The following CIB3 variants were observed in gnomAD, a reference collection of about 807,000 sequenced individuals.
CIB3 encodes the protein calcium and integrin binding family member 3, also known as calcium and integrin-binding family member 3.
In CIB3, 22 loss-of-function variants were observed where a neutral mutation model predicts 23.4. The observed-to-expected ratio is 0.94, with a 90% CI of 0.67 to 1.34. The LOEUF (loss-of-function observed/expected upper bound fraction) is 1.34, where lower values mean the gene tolerates loss of function less well. Ranked by LOEUF, CIB3 falls within the 40% of genes most tolerant of loss-of-function variation. CIB3 has a pLI of 0.00. For synonymous variants in CIB3, 93 were observed against 95.8 expected, an observed-to-expected ratio of 0.97 and a Z score of 0.17; for missense variants, 258 against 247.3, an observed-to-expected ratio of 1.04 and a Z score of -0.29.
chr19:16,164,958 G>T (rs2091300012), intron 4 of CIB3, 45 bp from the exon 5 acceptor site: 1 of 1,559,224 alleles, frequency 6.4e-7, no homozygotes, highest in Non-Finnish European at 8.8e-7. Flanking sequence ...TGGCAGGAGG[G>T]CTAGGCCGGC....
At chr19:16,161,722 G>A (rs1015976932) in intron 5 of CIB3, among the ~76,000 whole-genome samples, 2 of 127,254 alleles carry the variant, frequency 1.6e-5, no homozygotes, top group African/African-American at 5.8e-5. Flanking sequence ...CTGTCTCCCA[G>A]GCTGTAGTGC....
chr19:16,164,568 G>T, intron 5 of CIB3, 150 bp downstream of exon 5: 2 of 738,570 alleles, frequency 2.7e-6, no homozygotes, highest in Non-Finnish European at 4.4e-6. Context: ...TTTTACAGAT[G>T]CAGGGACTGA....
At chr19:16,165,036 G>C in intron 4 of CIB3, 123 bp from the exon 5 acceptor site, 1 of 800,652 alleles carries the variant, frequency 1.2e-6, no homozygotes, top group Non-Finnish European at 2.1e-6. Context: ...GCTCACGCCT[G>C]TAATCCCAAC....
At chr19:16,165,377 G>A (rs2091301979) in intron 4 of CIB3, among the ~76,000 whole-genome samples, 1 of 151,042 alleles carries the variant, frequency 6.6e-6, no homozygotes, top group Admixed American at 6.6e-5. Flanking sequence ...CCTTAAAATT[G>A]GGCAGGGACC....
chr19:16,161,470 T>C lies in CIB3; in HGVS notation c.559A>G (p.Ile187Val). 2 of 1,613,958 alleles carry C rather than the reference T, an allele frequency of 1.2e-6. No individual in the cohort carries two copies. Among genetic ancestry groups the C allele is most frequent in the Non-Finnish European group, 1.7e-6 (2 of 1,179,976 alleles). Residue 187 changes from isoleucine to valine, a missense_variant, in exon 6 of 6, where the codon ATC (isoleucine) becomes GTC (valine). Transcript: ENST00000269878. ...PDFLSTFHIR[I>V] The stretch of plus-strand genomic sequence containing the variant: ...TCGGCTCCTCTGTGGTGCCATCAGA[T>C]TCGGATGTGGAAGGTGCTGTGTGCA...
At chr19:16,161,624 C>T (rs557800227) in intron 5 of CIB3, 138 bp from the exon 6 acceptor site, 16 of 776,454 alleles carry the variant, frequency 2.1e-5, no homozygotes, top group East Asian at 1.7e-4. Context: ...AACCCTAGGC[C>T]GGGAGACCCC....
intron 5 of CIB3, among the ~76,000 whole-genome samples, chr19:16,163,929 G>A (rs1187430901): frequency 1.3e-5 from 2 of 152,044 alleles, no homozygotes; most frequent in Non-Finnish European, 1.5e-5. Context: ...TCACTGTCAC[G>A]TGTCATGGAA....
At chr19:16,162,504 C>T (rs1472122102) in intron 5 of CIB3, among the ~76,000 whole-genome samples, 1 of 151,754 alleles carries the variant, frequency 6.6e-6, no homozygotes, top group Non-Finnish European at 1.5e-5. Flanking sequence ...GTAATCCCAG[C>T]ACTTTGGGAG....
chr19:16,168,430 A>C, intron 3 of CIB3, 146 bp from the exon 4 acceptor site: 9 of 1,166,364 alleles, frequency 7.7e-6, no homozygotes, highest in Non-Finnish European at 1.1e-5. Flanking sequence ...CCTGGACAGG[A>C]CTTTGGACAA....
intron 2 of CIB3, among the ~76,000 whole-genome samples, chr19:16,172,034 C>T (rs1488322950): frequency 3.3e-5 from 5 of 152,254 alleles, no homozygotes; most frequent in Non-Finnish European, 5.9e-5. Context: ...CAGGGACCTG[C>T]AGCAGCCTTG....
chr19:16,166,592 G>A (rs957095897), intron 4 of CIB3, among the ~76,000 whole-genome samples: 5 of 152,112 alleles, frequency 3.3e-5, no homozygotes, highest in Admixed American at 1.3e-4. Flanking sequence ...ATCCATTCAG[G>A]AAGTATTTAT....
At chr19:16,171,721 G>A (rs1006689853) in intron 2 of CIB3, among the ~76,000 whole-genome samples, 2 of 152,176 alleles carry the variant, frequency 1.3e-5, no homozygotes, top group Non-Finnish European at 2.9e-5. Context: ...CTTCAGCCTG[G>A]GATCAGCCCC....
At chr19:16,170,488 G>GATACCTTCACTTTC (rs1161584985) in intron 2 of CIB3, among the ~76,000 whole-genome samples, 14 of 152,198 alleles carry the variant, frequency 9.2e-5, no homozygotes, top group African/African-American at 3.4e-4. Flanking sequence ...TGCCTCCAAA[G>GATACCTTCACTTTC]ATACCTTCAC....
chr19:16,171,550 G>A (rs563650849), intron 2 of CIB3, among the ~76,000 whole-genome samples: 9 of 152,240 alleles, frequency 5.9e-5, no homozygotes, highest in South Asian at 2.1e-4. Context: ...GTTCCCTGTC[G>A]GGGTCCCATC....
chr19:16,172,739 C>T (rs867731004), intron 2 of CIB3, among the ~76,000 whole-genome samples: 27 of 151,820 alleles, frequency 1.8e-4, no homozygotes, highest in African/African-American at 6.3e-4. Flanking sequence ...CGCTTGAGCC[C>T]AAGGGTTTAA....
intron 5 of CIB3, among the ~76,000 whole-genome samples, chr19:16,162,578 C>T (rs1337798462): frequency 6.6e-6 from 1 of 152,018 alleles, no homozygotes; most frequent in Admixed American, 6.6e-5. Context: ...ATGGCGAAAC[C>T]TTATCTCTAC....
chr19:16,167,608 G>T (rs2091311047), intron 4 of CIB3, among the ~76,000 whole-genome samples: 1 of 152,078 alleles, frequency 6.6e-6, no homozygotes. Flanking sequence ...GAGGCGGGCG[G>T]ATCACCCGAG....
intron 5 of CIB3, among the ~76,000 whole-genome samples, chr19:16,163,956 TA>T (rs199913502): frequency 3.2e-4 from 49 of 151,748 alleles, no homozygotes; most frequent in East Asian, 2.5e-3. Flanking sequence ...TTTTTTAAAT[TA>T]AAAAAAAATT....
intron 3 of CIB3, 40 bp from the exon 4 acceptor site, chr19:16,168,324 C>A: frequency 6.2e-7 from 1 of 1,609,546 alleles, no homozygotes; most frequent in Non-Finnish European, 8.5e-7. Context: ...TCCTCTGACC[C>A]CCAAGGTCTC....
Sources: allele counts gnomAD v4.1 joint callset (sites outside exome capture counted in the v4.1 genomes callset), GRCh38; gene constraint gnomAD v4.1.1; transcripts MANE v1.5; gene names NCBI Gene and HGNC (gene_info 2026-07-23, HGNC 2026-07-21).